The following FBXL2 variants were observed in gnomAD, a reference collection of about 807,000 sequenced individuals.
FBXL2 encodes the protein F-box/LRR-repeat protein 2.
A neutral mutation model predicts 69.2 loss-of-function variants in FBXL2; 38 were observed. The ratio of observed to expected loss-of-function variants is 0.55; its 90% confidence interval spans 0.42 to 0.72. FBXL2 has a LOEUF of 0.72. FBXL2 is among the 30% of genes least tolerant of loss of function. The pLI is 0.00. For synonymous variants in FBXL2, 192 were observed against 201.3 expected (o/e 0.95, Z 0.39); for missense variants, 354 against 520.3 (o/e 0.68, Z 3.11).
At chr3:33,421,066 A>G in the FBXL2 span, among the ~76,000 whole-genome samples, 1 of 152,334 alleles carries the variant, frequency 6.6e-6, no homozygotes, top group African/African-American at 2.4e-5. Context: ...AGTCTCACTC[A>G]TATTTATCAG....
At chr3:33,411,286 G>T in the FBXL2 span, among the ~76,000 whole-genome samples, 1 of 152,024 alleles carries the variant, frequency 6.6e-6, no homozygotes. Flanking sequence ...CTTTTAAATA[G>T]CAGCTTGTGT....
intron 2 of FBXL2, among the ~76,000 whole-genome samples, chr3:33,302,733 T>C (rs1318520513): frequency 6.6e-6 from 1 of 152,206 alleles, no homozygotes; most frequent in Non-Finnish European, 1.5e-5. Context: ...TGATAAAATT[T>C]ATTGGCTTGA....
the FBXL2 span, among the ~76,000 whole-genome samples, chr3:33,421,480 G>A: frequency 6.6e-6 from 1 of 152,056 alleles, no homozygotes; most frequent in Non-Finnish European, 1.5e-5. Context: ...ACATTGGCCA[G>A]GCTGGTCTCG....
intron 1 of FBXL2, among the ~76,000 whole-genome samples, chr3:33,285,980 G>A (rs887610797): frequency 7.9e-5 from 12 of 152,254 alleles, no homozygotes; most frequent in South Asian, 2.1e-4. Context: ...CGATGGGTTC[G>A]AACATCCTCC....
the FBXL2 span, among the ~76,000 whole-genome samples, chr3:33,415,713 A>G: frequency 6.6e-6 from 1 of 152,028 alleles, no homozygotes; most frequent in East Asian, 1.9e-4. Context: ...GGAGTTCACA[A>G]TTAAAACAAC....
chr3:33,372,641 A>G (rs1178740375), intron 5 of FBXL2: 2 of 189,086 alleles, frequency 1.1e-5, no homozygotes, highest in African/African-American at 2.4e-5. Context: ...TCTTCTATCA[A>G]TCGCCAGAAA....
At chr3:33,336,772 G>A (rs1417334715) in intron 2 of FBXL2, among the ~76,000 whole-genome samples, 2 of 152,068 alleles carry the variant, frequency 1.3e-5, no homozygotes, top group Non-Finnish European at 2.9e-5. Context: ...GGGTGTGGTG[G>A]CGTGCACTTG....
At chr3:33,290,831 A>T (rs1331858359) in intron 1 of FBXL2, among the ~76,000 whole-genome samples, 2 of 152,074 alleles carry the variant, frequency 1.3e-5, no homozygotes, top group African/African-American at 4.8e-5. Context: ...TTATAAAGGA[A>T]ATCTTAAAAG....
intron 2 of FBXL2, among the ~76,000 whole-genome samples, chr3:33,342,364 T>G (rs2040095856): frequency 6.6e-6 from 1 of 151,248 alleles, no homozygotes; most frequent in Non-Finnish European, 1.5e-5. Context: ...TATATATATA[T>G]TAAAAATTTA....
the FBXL2 span, among the ~76,000 whole-genome samples, chr3:33,413,355 G>A: frequency 6.6e-6 from 1 of 151,556 alleles, no homozygotes; most frequent in African/African-American, 2.4e-5. Flanking sequence ...GGACCATCCT[G>A]GCTAACACGG....
chr3:33,385,016 G>A (rs1029751090), intron 14 of FBXL2, among the ~76,000 whole-genome samples: 2 of 152,120 alleles, frequency 1.3e-5, no homozygotes, highest in African/African-American at 4.8e-5. Context: ...CGACAAGAGT[G>A]AAACTCTGTC....
At chr3:33,413,049 T>C in the FBXL2 span, among the ~76,000 whole-genome samples, 1 of 152,282 alleles carries the variant, frequency 6.6e-6, no homozygotes, top group East Asian at 1.9e-4. Flanking sequence ...ATAAATAAAA[T>C]GGTAACTTAG....
chr3:33,379,887 A>G (rs918226334), intron 13 of FBXL2, among the ~76,000 whole-genome samples: 1 of 152,212 alleles, frequency 6.6e-6, no homozygotes, highest in African/African-American at 2.4e-5. Context: ...CATATTAACT[A>G]AAGAAGAAAA....
intron 2 of FBXL2, chr3:33,298,012 G>A (rs1443719689): frequency 2.5e-6 from 1 of 398,660 alleles, no homozygotes; most frequent in East Asian, 6.2e-5. Flanking sequence ...GTTTTCAGTA[G>A]ATAATCGTGA....
intron 12 of FBXL2, among the ~76,000 whole-genome samples, chr3:33,395,942 C>G (rs576501313): frequency 6.6e-6 from 1 of 151,912 alleles, no homozygotes; most frequent in South Asian, 2.1e-4. Context: ...AAAAACAGAC[C>G]CATAGTGTGG....
At chr3:33,284,696 T>A (rs1286166653) in intron 1 of FBXL2, among the ~76,000 whole-genome samples, 1 of 152,198 alleles carries the variant, frequency 6.6e-6, no homozygotes, top group Non-Finnish European at 1.5e-5. Context: ...TCTTTCTAGG[T>A]CTCTAAAGAC....
At chr3:33,412,567 G>T in the FBXL2 span, among the ~76,000 whole-genome samples, 1 of 140,480 alleles carries the variant, frequency 7.1e-6, no homozygotes, top group Non-Finnish European at 1.5e-5. Flanking sequence ...GGGCGAGAGA[G>T]CAAGGCTCTG....
At chr3:33,350,963 G>A (rs920627892) in intron 2 of FBXL2, among the ~76,000 whole-genome samples, 1 of 152,070 alleles carries the variant, frequency 6.6e-6, no homozygotes, top group East Asian at 1.9e-4. Context: ...AAAAAAAATA[G>A]TAATAATAAA....
At chr3:33,411,827 T>C in the FBXL2 span, 1 of 668,004 alleles carries the variant, frequency 1.5e-6, no homozygotes, top group Non-Finnish European at 2.6e-6. Flanking sequence ...ATCAACTTCT[T>C]CAACATCGAA....
Sources: gnomAD v4.1 joint callset for allele counts (sites outside exome capture counted in the v4.1 genomes callset) on GRCh38, gnomAD v4.1.1 for gene constraint, MANE v1.5 for transcripts, NCBI Gene and HGNC (gene_info 2026-07-23, HGNC 2026-07-21) for gene names.